MACROD2: variants seen among roughly 807,000 people sequenced by gnomAD.
The protein encoded by MACROD2 is mono-ADP ribosylhydrolase 2, also known as ADP-ribose glycohydrolase MACROD2.
Under a neutral mutation model 70.4 loss-of-function variants are expected in MACROD2, and 36 were observed. The ratio of observed to expected loss-of-function variants is 0.51; its 90% CI spans 0.39 to 0.68. MACROD2 has a LOEUF of 0.68. MACROD2 is among the 30% of genes least tolerant of loss of function. The pLI, the probability that MACROD2 is intolerant of heterozygous loss-of-function variation, is 0.00. For missense variants in MACROD2, 496 were observed against 538.4 expected (o/e 0.92, Z 0.78); for synonymous variants, 172 against 178.8 (o/e 0.96, Z 0.30).
intron 5 of MACROD2, among the ~76,000 whole-genome samples, chr20:15,210,158 C>G (rs181709154): frequency 1.4e-4 from 22 of 152,274 alleles, no homozygotes; most frequent in Admixed American, 4.6e-4. Flanking sequence ...AATATCCAAG[C>G]AAGCTTTGTG....
At chr20:15,763,776 ACAG>A (rs916406001) in intron 8 of MACROD2, among the ~76,000 whole-genome samples, 3 of 152,208 alleles carry the variant, frequency 2.0e-5, no homozygotes, top group African/African-American at 7.2e-5. Flanking sequence ...TGTTACAAAT[ACAG>A]ACCAATGCAT....
chr20:15,582,306 ATT>A (rs1210313561), intron 8 of MACROD2, among the ~76,000 whole-genome samples: 1 of 151,984 alleles, frequency 6.6e-6, no homozygotes, highest in African/African-American at 2.4e-5. Flanking sequence ...GTGAATATAC[ATT>A]TATTGGATAA....
intron 3 of MACROD2, among the ~76,000 whole-genome samples, chr20:14,257,536 A>G (rs184076047): frequency 5.3e-5 from 8 of 152,130 alleles, no homozygotes; most frequent in Non-Finnish European, 1.0e-4. Context: ...TTCACTATAG[A>G]TGAAATCTTT....
chr20:15,220,079 A>G (rs1382448498), intron 5 of MACROD2, among the ~76,000 whole-genome samples: 8 of 151,678 alleles, frequency 5.3e-5, no homozygotes, highest in Non-Finnish European at 5.9e-5. Flanking sequence ...TTATTTTTAA[A>G]TCTTCCATAG....
intron 6 of MACROD2, among the ~76,000 whole-genome samples, chr20:15,387,233 A>T (rs59418375): frequency 9.2e-5 from 14 of 152,188 alleles, no homozygotes; most frequent in Non-Finnish European, 2.1e-4. Context: ...TAATGTTAGC[A>T]TAGAGCAGAA....
chr20:15,744,946 A>G (rs536757367), intron 8 of MACROD2, among the ~76,000 whole-genome samples: 1 of 152,122 alleles, frequency 6.6e-6, no homozygotes, highest in East Asian at 1.9e-4. Context: ...ACATTTTTTT[A>G]TGTTCTACAA....
intron 6 of MACROD2, among the ~76,000 whole-genome samples, chr20:15,390,049 A>T (rs1442256240): frequency 6.6e-6 from 1 of 152,228 alleles, no homozygotes; most frequent in Non-Finnish European, 1.5e-5. Context: ...GAGAGAGACA[A>T]GCACTGGTTG....
At chr20:15,096,607 G>T (rs1427633504) in intron 5 of MACROD2, among the ~76,000 whole-genome samples, 1 of 151,014 alleles carries the variant, frequency 6.6e-6, no homozygotes, top group African/African-American at 2.4e-5. Flanking sequence ...CGCCTGCCAG[G>T]TTCAAGCAAT....
At chr20:14,593,180 T>G (rs1281365344) in intron 4 of MACROD2, among the ~76,000 whole-genome samples, 1 of 152,132 alleles carries the variant, frequency 6.6e-6, no homozygotes, top group Non-Finnish European at 1.5e-5. Flanking sequence ...CTTTTATGAG[T>G]GTGTTTTTAT....
At chr20:15,066,124 A>T (rs376599891) in intron 5 of MACROD2, among the ~76,000 whole-genome samples, 25,023 of 145,786 alleles carry the variant, frequency 0.17, 2,540 homozygotes, top group Non-Finnish European at 0.23. Context: ...TTTTTTTTTT[A>T]TTTTTAATTT....
chr20:16,005,153 C>T (rs946971756), intron 15 of MACROD2, among the ~76,000 whole-genome samples: 2 of 152,182 alleles, frequency 1.3e-5, no homozygotes, highest in Admixed American at 6.5e-5. Flanking sequence ...ATGGCATTCT[C>T]TCTACAAGGG....
intron 8 of MACROD2, among the ~76,000 whole-genome samples, chr20:15,668,682 G>T (rs909458703): frequency 2.6e-5 from 4 of 152,132 alleles, no homozygotes; most frequent in African/African-American, 9.7e-5. Flanking sequence ...GATGTTTGTC[G>T]CAAAATTATC....
At chr20:15,564,527 G>T (rs1043259450) in intron 8 of MACROD2, among the ~76,000 whole-genome samples, 1 of 152,076 alleles carries the variant, frequency 6.6e-6, no homozygotes, top group Admixed American at 6.5e-5. Flanking sequence ...TCGCAGCTGG[G>T]TTTAAAAGCA....
At chr20:14,114,544 T>G (rs1051170493) in intron 3 of MACROD2, among the ~76,000 whole-genome samples, 11 of 152,030 alleles carry the variant, frequency 7.2e-5, no homozygotes, top group Admixed American at 7.2e-4. Flanking sequence ...GTGATAGGGA[T>G]GAAGTGTTAG....
At chr20:14,622,063 A>G (rs1297366906) in intron 4 of MACROD2, 1 of 152,206 alleles carries the variant, frequency 6.6e-6, no homozygotes. Flanking sequence ...TATTTTACAA[A>G]TACAATGAAA....
At chr20:15,648,786 T>A (rs2049593526) in intron 8 of MACROD2, among the ~76,000 whole-genome samples, 1 of 152,090 alleles carries the variant, frequency 6.6e-6, no homozygotes, top group South Asian at 2.1e-4. Context: ...TATCCCTTAA[T>A]GAGACCATTA....
chr20:16,012,389 G>T (rs2066875116), intron 15 of MACROD2, among the ~76,000 whole-genome samples: 1 of 152,196 alleles, frequency 6.6e-6, no homozygotes, highest in African/African-American at 2.4e-5. Flanking sequence ...ACCTGGGAGT[G>T]TTCAAAATTC....
chr20:15,544,090 G>A (rs376814674), intron 8 of MACROD2, among the ~76,000 whole-genome samples: 29 of 152,280 alleles, frequency 1.9e-4, no homozygotes, highest in African/African-American at 6.5e-4. Context: ...CAGAGTCGGG[G>A]AAGAAGAGGG....
intron 8 of MACROD2, among the ~76,000 whole-genome samples, chr20:15,587,601 GACGT>G (rs1454800074): frequency 2.0e-5 from 3 of 152,176 alleles, no homozygotes; most frequent in Admixed American, 2.0e-4. Flanking sequence ...AGATGCAATG[GACGT>G]ACAGTTATTG....
Sources: allele counts gnomAD v4.1 joint callset (sites outside exome capture counted in the v4.1 genomes callset), GRCh38; gene constraint gnomAD v4.1.1; transcripts MANE v1.5; gene names NCBI Gene and HGNC (gene_info 2026-07-23, HGNC 2026-07-21).